Variants in DLGAP1 observed in about 807,000 individuals in gnomAD.
DLGAP1 encodes disks large-associated protein 1.
In DLGAP1, 11 loss-of-function variants were observed where a neutral mutation model predicts 90.8. That is an observed-to-expected ratio of 0.12 (90% CI 0.08 to 0.20). The LOEUF (loss-of-function observed/expected upper bound fraction) is 0.20, where lower values mean the gene tolerates loss of function less well. Among genes scored for constraint, DLGAP1 ranks in the 10% least tolerant of loss-of-function variants. DLGAP1 has a pLI of 1.00. For synonymous variants in DLGAP1, 558 were observed against 540.7 expected (o/e 1.03, Z -0.44); for missense variants, 1,050 against 1,333.8 (o/e 0.79, Z 3.31).
At chr18:3,651,073 A>T (rs1214339045) in intron 7 of DLGAP1, among the ~76,000 whole-genome samples, 4 of 130,768 alleles carry the variant, frequency 3.1e-5, no homozygotes, top group South Asian at 2.5e-4. Context: ...TCAAAAAAAC[A>T]AAGTTGGCTG....
intron 4 of DLGAP1, among the ~76,000 whole-genome samples, chr18:3,840,511 G>A (rs947665930): frequency 6.6e-6 from 1 of 152,066 alleles, no homozygotes; most frequent in Non-Finnish European, 1.5e-5. Flanking sequence ...GAACACTTGT[G>A]ATTACATTTA....
chr18:4,298,088 T>C (rs1381151151), intron 1 of DLGAP1, among the ~76,000 whole-genome samples: 2 of 152,064 alleles, frequency 1.3e-5, no homozygotes, highest in African/African-American at 4.8e-5. Flanking sequence ...AGCTTGCAAG[T>C]AGAGTTCAGT....
chr18:4,316,762 G>A (rs955470172), intron 1 of DLGAP1, among the ~76,000 whole-genome samples: 28 of 152,186 alleles, frequency 1.8e-4, no homozygotes, highest in Non-Finnish European at 3.8e-4. Flanking sequence ...GCCCCGATGT[G>A]ATTAAATTAG....
intron 2 of DLGAP1, among the ~76,000 whole-genome samples, chr18:4,150,713 C>T (rs758173095): frequency 2.0e-5 from 3 of 152,244 alleles, no homozygotes; most frequent in Admixed American, 6.5e-5. Context: ...GAATTACAGG[C>T]GTGAGCCACC....
chr18:3,895,009 G>A (rs750099257), intron 3 of DLGAP1, among the ~76,000 whole-genome samples: 9 of 152,102 alleles, frequency 5.9e-5, no homozygotes, highest in Non-Finnish European at 1.0e-4. Flanking sequence ...TTTTACTGTC[G>A]AGATGTTGCC....
intron 3 of DLGAP1, among the ~76,000 whole-genome samples, chr18:3,911,432 A>C (rs2072031775): frequency 6.6e-6 from 1 of 152,224 alleles, no homozygotes; most frequent in African/African-American, 2.4e-5. Context: ...TTTTCCCCTC[A>C]TAATTGGAAC....
intron 7 of DLGAP1, among the ~76,000 whole-genome samples, chr18:3,687,975 C>T (rs562984580): frequency 3.3e-5 from 5 of 150,176 alleles, no homozygotes; most frequent in African/African-American, 7.4e-5. Flanking sequence ...GGTGCGATCA[C>T]GGCTCACTGC....
chr18:3,784,094 A>G (rs1362195725), intron 5 of DLGAP1, among the ~76,000 whole-genome samples: 1 of 152,154 alleles, frequency 6.6e-6, no homozygotes, highest in Non-Finnish European at 1.5e-5. Context: ...TTTGTCTACA[A>G]TGGAAGTCAT....
chr18:4,408,771 G>C (rs2082715524), intron 1 of DLGAP1, among the ~76,000 whole-genome samples: 1 of 152,236 alleles, frequency 6.6e-6, no homozygotes, highest in African/African-American at 2.4e-5. Context: ...GATTGGCAAA[G>C]GTGATTCATT....
intron 7 of DLGAP1, among the ~76,000 whole-genome samples, chr18:3,706,278 G>A (rs1161561606): frequency 1.3e-5 from 2 of 152,156 alleles, no homozygotes; most frequent in East Asian, 1.9e-4. Flanking sequence ...GATTACAGGC[G>A]TGAGCCACCA....
chr18:3,558,924 AC>A (rs1318598365), intron 9 of DLGAP1, among the ~76,000 whole-genome samples: 1 of 152,200 alleles, frequency 6.6e-6, no homozygotes, highest in Admixed American at 6.6e-5. Flanking sequence ...ACAGCCTTTA[AC>A]CCAAGATAAC....
chr18:3,588,574 G>A (rs2056036899), intron 7 of DLGAP1, among the ~76,000 whole-genome samples: 1 of 151,970 alleles, frequency 6.6e-6, no homozygotes, highest in Admixed American at 6.6e-5. Flanking sequence ...AAGGTCAGGA[G>A]ATCAAGACCA....
intron 8 of DLGAP1, among the ~76,000 whole-genome samples, chr18:3,576,037 T>G (rs17803096): frequency 0.025 from 3,755 of 152,268 alleles, 75 homozygotes; most frequent in Middle Eastern, 0.058. Flanking sequence ...TTTTGGTGAT[T>G]TGCTTACTGT....
At position 4,245,623 on chromosome 18, in the gene DLGAP1, CAG is replaced by C. The variant is rs143450253; in HGVS notation, c.-266-94338_-266-94337del. ...AGACTACAGCAGCACAGAGATAACA[CAG>C]AGTCCCAGAGCAATTCGTTGACCTT... On this transcript the variant is annotated intron_variant, in intron 1 of 12. Transcript: ENST00000315677. Among the ~76,000 whole-genome samples, 453 of 152,264 alleles carry C rather than the reference CAG, an allele frequency of 3.0e-3. 5 individuals are homozygous for C. The highest frequency in any genetic ancestry group is 0.011 in the African/African-American group (439 of 41,552).
chr18:4,033,199 T>C (rs2074827058), intron 2 of DLGAP1, among the ~76,000 whole-genome samples: 1 of 152,138 alleles, frequency 6.6e-6, no homozygotes, highest in Non-Finnish European at 1.5e-5. Context: ...TTTCATATGA[T>C]ATGATGTGTA....
intron 7 of DLGAP1, among the ~76,000 whole-genome samples, chr18:3,652,435 C>T (rs552713108): frequency 7.9e-5 from 12 of 152,280 alleles, no homozygotes. Flanking sequence ...TCAACTGGTC[C>T]TGCCACTTCA....
At chr18:4,110,351 G>A (rs1031818455) in intron 2 of DLGAP1, among the ~76,000 whole-genome samples, 1 of 152,164 alleles carries the variant, frequency 6.6e-6, no homozygotes, top group Non-Finnish European at 1.5e-5. Flanking sequence ...GTATACCATT[G>A]TTGACTGAGC....
Position 3,860,101 on chromosome 18 carries a change from A to AAAAAAAATAAATAAAT in DLGAP1, c.957+19010_957+19011insATTTATTTATTTTTTT, listed in dbSNP as rs138109890. On this transcript the variant is annotated intron_variant, in intron 4 of 12. Coordinates refer to ENST00000315677, the MANE Select transcript of DLGAP1 (RefSeq NM_004746.4). The stretch of plus-strand genomic sequence containing the variant: ...GCGACAGAGCGAGACTCTGTCTCAA[A>AAAAAAAATAAATAAAT]AAATAAATAAATAAATAAATTTGCA... Among the ~76,000 whole-genome samples, 3 of 144,292 alleles carry AAAAAAAATAAATAAAT rather than the reference A, an allele frequency of 2.1e-5. 1 individual carries two copies. Among genetic ancestry groups the AAAAAAAATAAATAAAT allele is most frequent in the Non-Finnish European group, 4.6e-5 (3 of 65,444 alleles). The allele number at this position is 144,292 out of a possible 152,430, so 94.7% of individuals were successfully genotyped here.
At chr18:4,344,909 A>G (rs905738360) in intron 1 of DLGAP1, among the ~76,000 whole-genome samples, 3 of 152,200 alleles carry the variant, frequency 2.0e-5, no homozygotes, top group African/African-American at 7.2e-5. Context: ...ACACTGCAAA[A>G]GTTGTTACAC....
Sources: gnomAD v4.1 joint callset for allele counts (sites outside exome capture counted in the v4.1 genomes callset) on GRCh38, gnomAD v4.1.1 for gene constraint, MANE v1.5 for transcripts, NCBI Gene and HGNC (gene_info 2026-07-23, HGNC 2026-07-21) for gene names.